ZPBP: variants seen among roughly 807,000 people sequenced by gnomAD.
ZPBP encodes zona pellucida binding protein.
In ZPBP, 26 loss-of-function variants were observed where a neutral mutation model predicts 44.8. The ratio of observed to expected loss-of-function variants is 0.58; its 90% confidence interval spans 0.43 to 0.81. The LOEUF is 0.81. Among genes scored for constraint, ZPBP ranks in the 30% least tolerant of loss-of-function variants. The pLI, the probability that ZPBP is intolerant of heterozygous loss-of-function variation, is 0.00. For synonymous variants in ZPBP, 174 were observed against 153.2 expected, an observed-to-expected ratio of 1.14 and a Z score of -1.00; for missense variants, 409 against 434.0, an observed-to-expected ratio of 0.94 and a Z score of 0.51.
chr7:50,019,839 A>AACT (rs1182245419), intron 5 of ZPBP, among the ~76,000 whole-genome samples: 2 of 152,138 alleles, frequency 1.3e-5, no homozygotes, highest in Non-Finnish European at 2.9e-5. Context: ...ACAGAGGTCC[A>AACT]ACTAGGGTCA....
At chr7:49,921,572 A>G (rs1794018741) in intron 1 of ZPBP, 1 of 152,164 alleles carries the variant, frequency 6.6e-6, no homozygotes, top group Admixed American at 6.6e-5. Context: ...AGTGGTATCA[A>G]CCACTAAGAG....
chr7:49,905,915 C>A (rs1009536311), intron 1 of ZPBP, among the ~76,000 whole-genome samples: 3 of 152,218 alleles, frequency 2.0e-5, no homozygotes, highest in African/African-American at 7.2e-5. Context: ...CCCACCAGCA[C>A]CATGACAGTT....
chr7:49,919,535 C>T (rs1303391563), intron 1 of ZPBP: 3 of 152,078 alleles, frequency 2.0e-5, no homozygotes, highest in Admixed American at 6.5e-5. Context: ...CTGCAGTATA[C>T]CCTGGTTTAT....
chr7:50,001,540 C>G (rs1798094601), intron 6 of ZPBP, among the ~76,000 whole-genome samples: 1 of 152,014 alleles, frequency 6.6e-6, no homozygotes, highest in Admixed American at 6.6e-5. Flanking sequence ...GAACTTCTGC[C>G]TCTGGCCAAG....
At chr7:50,053,463 C>G (rs1355036) in intron 4 of ZPBP, among the ~76,000 whole-genome samples, 27,906 of 152,164 alleles carry the variant, frequency 0.18, 3,536 homozygotes, top group East Asian at 0.62. Context: ...AATGCTCAAC[C>G]ACTTCTGTTC....
intron 2 of ZPBP, among the ~76,000 whole-genome samples, chr7:50,087,188 C>T (rs533574350): frequency 2.0e-5 from 3 of 151,972 alleles, no homozygotes; most frequent in Non-Finnish European, 4.4e-5. Flanking sequence ...TACATACCAA[C>T]TTGTTCTATG....
At chr7:49,956,145 C>T (rs1168911737) in intron 7 of ZPBP, among the ~76,000 whole-genome samples, 1 of 152,078 alleles carries the variant, frequency 6.6e-6, no homozygotes, top group Non-Finnish European at 1.5e-5. Context: ...AAAGAAACAA[C>T]TCACACAGGG....
At chr7:49,935,325 C>T (rs1329258429), downstream of ZPBP, among the ~76,000 whole-genome samples, 2 of 151,376 alleles carry the variant, frequency 1.3e-5, no homozygotes. Flanking sequence ...ACTATGAGAC[C>T]CAAGAAAAAG....
chr7:49,903,018 T>C (rs1792857804), intron 1 of ZPBP, among the ~76,000 whole-genome samples: 1 of 151,844 alleles, frequency 6.6e-6, no homozygotes, highest in Admixed American at 6.6e-5. Context: ...CATGAAAAGA[T>C]GAACATCACC....
intron 2 of ZPBP, among the ~76,000 whole-genome samples, chr7:49,862,346 A>G (rs548806670): frequency 1.7e-4 from 26 of 152,248 alleles, no homozygotes; most frequent in Non-Finnish European, 3.2e-4. Flanking sequence ...TCTGAGTTCA[A>G]TTATTAGCCC....
downstream of ZPBP, among the ~76,000 whole-genome samples, chr7:49,846,321 C>A (rs967430179): frequency 1.3e-5 from 2 of 152,194 alleles, no homozygotes; most frequent in African/African-American, 4.8e-5. Context: ...CAACAACAAA[C>A]ATAGGTCTTT....
At chr7:49,981,159 GT>G (rs1195625434) in intron 7 of ZPBP, among the ~76,000 whole-genome samples, 2 of 136,806 alleles carry the variant, frequency 1.5e-5, no homozygotes, top group South Asian at 2.2e-4. Context: ...AAAATCACTG[GT>G]TTTAAATATC....
rs1314330672 is a variant in ZPBP, at chr7:50,052,444, A to G, written c.487+5545T>C. Among the ~76,000 whole-genome samples the G allele has an allele frequency of 2.6e-5, 4 of 152,210 alleles. No homozygotes were observed. The East Asian group carries it at 7.7e-4, about 29-fold the overall frequency. On this transcript the variant is annotated intron_variant, in intron 4 of 7. Coordinates refer to ENST00000046087, the MANE Select transcript of ZPBP (RefSeq NM_007009.3). ...AGAATGGCTAAAACAAAAGATAATT[A>G]TAACACCAATTGCTGGTGGAGACAT...
chr7:49,979,267 T>C (rs1006236488), intron 7 of ZPBP, among the ~76,000 whole-genome samples: 1 of 151,952 alleles, frequency 6.6e-6, no homozygotes, highest in Non-Finnish European at 1.5e-5. Context: ...GCAAACTCAA[T>C]TTTCTTTATA....
chr7:49,912,306 T>C lies in ZPBP; in HGVS notation n.412-11091A>G, dbSNP rs1019028759. 4 of 1,086,730 alleles carry C rather than the reference T, an allele frequency of 3.7e-6. No homozygotes were observed. In the African/African-American group the frequency reaches 4.7e-5, roughly 13 times the overall value. 67.3% of individuals were successfully genotyped at this position (1,086,730 alleles called of 1,614,324 possible). A position where few individuals can be genotyped will look rare whatever the true frequency, so the allele number is the denominator to read the frequency against. ...TTGATGAGGAATAATGGAAAATTGT[T>C]GGTACTTTTCCTTTTCTTGATAACA... On this transcript the variant is annotated intron_variant and non_coding_transcript_variant, in intron 1 of 2. Transcript: ENST00000465922.
the ZPBP span, among the ~76,000 whole-genome samples, chr7:49,840,758 C>G: frequency 6.6e-6 from 1 of 152,122 alleles, no homozygotes; most frequent in African/African-American, 2.4e-5. Flanking sequence ...ATCCGGCATT[C>G]AAGAAAACTC....
chr7:49,895,733 A>ATCG (rs72567105), intron 2 of ZPBP, among the ~76,000 whole-genome samples: 1 of 151,306 alleles, frequency 6.6e-6, no homozygotes, highest in African/African-American at 2.4e-5. Context: ...TTCTGCCTGC[A>ATCG]TATTTCTTGT....
rs536880676 is a variant in ZPBP at position 49,892,031 on chromosome 7, ATTTTTTTTTTTTT to A, written n.509+9074_509+9086del. ...GCAGTTGGCAGAACAGACAAAGTAG[ATTTTTTTTTTTTT>A]TTTTTTTTTTTTTTTTTTGAGACGG... On this transcript the variant is annotated intron_variant and non_coding_transcript_variant, in intron 2 of 2. Coordinates refer to the ZPBP transcript ENST00000465922. Among the ~76,000 whole-genome samples, 171 of 53,300 alleles carry A rather than the reference ATTTTTTTTTTTTT, an allele frequency of 3.2e-3. 2 individuals carry two copies. Among genetic ancestry groups the A allele is most frequent in the South Asian group, 5.3e-3 (4 of 750 alleles). 35.0% of individuals were successfully genotyped at this position (53,300 alleles called of 152,430 possible).
chr7:49,859,307 C>T (rs990167544), intron 2 of ZPBP, among the ~76,000 whole-genome samples: 2 of 152,074 alleles, frequency 1.3e-5, no homozygotes, highest in African/African-American at 4.8e-5. Flanking sequence ...TTTAAGTTAT[C>T]TTTTATGTTT....
Sources: allele counts gnomAD v4.1 joint callset (sites outside exome capture counted in the v4.1 genomes callset), GRCh38; gene constraint gnomAD v4.1.1; transcripts MANE v1.5; gene names NCBI Gene and HGNC (gene_info 2026-07-23, HGNC 2026-07-21).